DCDC1: variants seen among roughly 807,000 people sequenced by gnomAD.
DCDC1 encodes doublecortin domain-containing protein 1.
Under a neutral mutation model 178.3 loss-of-function variants are expected in DCDC1, and 200 were observed. That is an observed-to-expected ratio of 1.12 (90% confidence interval 1.00 to 1.26). DCDC1 has a LOEUF of 1.26. Among genes scored for constraint, DCDC1 ranks in the 50% most tolerant of loss-of-function variants. The pLI, the probability that DCDC1 is intolerant of heterozygous loss-of-function variation, is 0.00. For synonymous variants in DCDC1, 690 were observed against 604.8 expected (o/e 1.14, Z -2.07); for missense variants, 1,983 against 1,749.2 (o/e 1.13, Z -2.38).
At chr11:31,317,776 T>C (rs1229361682) in intron 3 of DCDC1, among the ~76,000 whole-genome samples, 3 of 47,732 alleles carry the variant, frequency 6.3e-5, no homozygotes, top group South Asian at 7.1e-4. Context: ...CCATTCAGTA[T>C]GATATTGGCT....
chr11:31,161,732 C>G (rs1162011431), intron 9 of DCDC1, among the ~76,000 whole-genome samples: 1 of 152,182 alleles, frequency 6.6e-6, no homozygotes, highest in Non-Finnish European at 1.5e-5. Flanking sequence ...AAGTCATATA[C>G]AAGCAGTGGC....
chr11:31,159,024 A>C lies in DCDC1; in HGVS notation c.1222-21240T>G, dbSNP rs555131765. Among the ~76,000 whole-genome samples the C allele has an allele frequency of 3.5e-4, 54 of 152,166 alleles. No individual in the cohort carries two copies. The East Asian group carries it at 8.7e-3, about 24-fold the overall frequency. ...TGTATACCAAAAAAAATACAAAAAAACCCCAAAAAATACCAATAAAAATAA... is the reference window on the plus strand; with the variant it reads ...TGTATACCAAAAAAAATACAAAAAACCCCCAAAAAATACCAATAAAAATAA... On this transcript the variant is annotated intron_variant, in intron 9 of 38. Transcript: ENST00000684477.
chr11:31,039,727 T>C (rs1325283272), intron 20 of DCDC1, among the ~76,000 whole-genome samples: 2 of 152,310 alleles, frequency 1.3e-5, no homozygotes, highest in African/African-American at 2.4e-5. Context: ...ATGGGTATTA[T>C]GCCATAAAAT....
At chr11:31,013,450 ATGT>A (rs2135135908) in intron 20 of DCDC1, among the ~76,000 whole-genome samples, 2 of 152,288 alleles carry the variant, frequency 1.3e-5, no homozygotes, top group East Asian at 3.9e-4. Context: ...TGCTCAGTAA[ATGT>A]TGTTACACTC....
At chr11:31,274,491 TG>T (rs1398430716) in intron 7 of DCDC1, among the ~76,000 whole-genome samples, 1 of 151,848 alleles carries the variant, frequency 6.6e-6, no homozygotes, top group Non-Finnish European at 1.5e-5. Flanking sequence ...TGGATTTATC[TG>T]GAAACAAGTG....
intron 17 of DCDC1, among the ~76,000 whole-genome samples, chr11:31,090,756 T>C (rs995770840): frequency 6.6e-6 from 1 of 152,180 alleles, no homozygotes; most frequent in Admixed American, 6.5e-5. Context: ...CAGAAGTAGT[T>C]GGTAATGGCT....
intron 1 of DCDC1, among the ~76,000 whole-genome samples, chr11:31,361,979 A>G (rs951793006): frequency 3.3e-5 from 5 of 152,206 alleles, no homozygotes; most frequent in African/African-American, 1.2e-4. Flanking sequence ...ACTGTTACAG[A>G]GGGCCTAGAA....
chr11:31,150,458 A>G (rs1485869550), intron 9 of DCDC1, among the ~76,000 whole-genome samples: 1 of 152,216 alleles, frequency 6.6e-6, no homozygotes, highest in African/African-American at 2.4e-5. Context: ...ATATATAAAA[A>G]GGGCATATGC....
At chr11:30,914,238 T>C (rs987900743) in intron 27 of DCDC1, among the ~76,000 whole-genome samples, 1 of 152,226 alleles carries the variant, frequency 6.6e-6, no homozygotes, top group African/African-American at 2.4e-5. Context: ...GTCTACACAA[T>C]TGGTTTTCCC....
chr11:31,221,122 C>T (rs1303383536), intron 9 of DCDC1, among the ~76,000 whole-genome samples: 1 of 152,158 alleles, frequency 6.6e-6, no homozygotes, highest in Non-Finnish European at 1.5e-5. Flanking sequence ...TAATTCATGT[C>T]CTTCTTGCAT....
chr11:31,135,595 G>A (rs1040992514), intron 10 of DCDC1, among the ~76,000 whole-genome samples: 1 of 152,052 alleles, frequency 6.6e-6, no homozygotes, highest in African/African-American at 2.4e-5. Context: ...TATCTTCAGA[G>A]GCTATGGAAT....
At chr11:31,189,347 T>C (rs373813219) in intron 9 of DCDC1, among the ~76,000 whole-genome samples, 4 of 152,188 alleles carry the variant, frequency 2.6e-5, no homozygotes, top group African/African-American at 9.6e-5. Flanking sequence ...ATGTAACTTC[T>C]GCAACCATAC....
At chr11:30,907,172 T>C (rs1360156482) in intron 29 of DCDC1, among the ~76,000 whole-genome samples, 1 of 152,188 alleles carries the variant, frequency 6.6e-6, no homozygotes, top group Non-Finnish European at 1.5e-5. Flanking sequence ...AATGTTTAAA[T>C]ATAAAATCCT....
chr11:30,886,257 C>A (rs1189966549), intron 36 of DCDC1, among the ~76,000 whole-genome samples: 2 of 151,188 alleles, frequency 1.3e-5, no homozygotes, highest in Admixed American at 6.6e-5. Flanking sequence ...CATGCTGTTT[C>A]CTAAATAGAA....
At chr11:30,987,373 A>G (rs1950713182) in intron 20 of DCDC1, among the ~76,000 whole-genome samples, 1 of 152,156 alleles carries the variant, frequency 6.6e-6, no homozygotes, top group African/African-American at 2.4e-5. Flanking sequence ...CATTTGATAA[A>G]CATTTCTTAA....
intron 21 of DCDC1, among the ~76,000 whole-genome samples, chr11:30,939,831 T>A (rs1947515450): frequency 6.6e-6 from 1 of 152,226 alleles, no homozygotes; most frequent in Non-Finnish European, 1.5e-5. Flanking sequence ...CTTCTTTTCT[T>A]ATATTCTGAA....
At chr11:31,129,762 T>C (rs1440166143) in intron 10 of DCDC1, among the ~76,000 whole-genome samples, 1 of 151,992 alleles carries the variant, frequency 6.6e-6, no homozygotes, top group Non-Finnish European at 1.5e-5. Context: ...TCTCTTCCCC[T>C]CCATGCCATT....
intron 20 of DCDC1, among the ~76,000 whole-genome samples, chr11:31,031,785 AT>A (rs1415101099): frequency 2.0e-5 from 3 of 152,136 alleles, no homozygotes; most frequent in Non-Finnish European, 4.4e-5. Flanking sequence ...ACCTCAATCT[AT>A]GCTGGAATAA....
chr11:30,915,813 A>G, intron 26 of DCDC1, 102 bp from the exon 27 acceptor site: 1 of 1,117,214 alleles, frequency 9.0e-7, no homozygotes, highest in East Asian at 2.6e-5. Flanking sequence ...GAGAGCTCCA[A>G]CGTGAAACAC....
Sources: allele counts gnomAD v4.1 joint callset (sites outside exome capture counted in the v4.1 genomes callset), GRCh38; gene constraint gnomAD v4.1.1; transcripts MANE v1.5; gene names NCBI Gene and HGNC (gene_info 2026-07-23, HGNC 2026-07-21).